TM9SF2: variants seen among roughly 807,000 people sequenced by gnomAD.
The protein encoded by TM9SF2 is 76 kDa membrane protein.
Under a neutral mutation model 84.9 loss-of-function variants are expected in TM9SF2, and 13 were observed. That is an observed-to-expected ratio of 0.15 (90% CI 0.10 to 0.24). TM9SF2 has a LOEUF of 0.24. TM9SF2 is among the 10% of genes least tolerant of loss of function. TM9SF2 has a pLI of 1.00. For synonymous variants in TM9SF2, 273 were observed against 285.8 expected, an observed-to-expected ratio of 0.96 and a Z score of 0.45; for missense variants, 562 against 818.5, an observed-to-expected ratio of 0.69 and a Z score of 3.82.
chr13:99,562,464 A>G (rs2046348386), intron 16 of TM9SF2, among the ~76,000 whole-genome samples: 1 of 152,204 alleles, frequency 6.6e-6, no homozygotes, highest in South Asian at 2.1e-4. Flanking sequence ...TAGAAAGCTT[A>G]GGTAATCTTA....
chr13:99,538,104 G>T (rs1390695785), intron 6 of TM9SF2, among the ~76,000 whole-genome samples: 1 of 152,146 alleles, frequency 6.6e-6, no homozygotes, highest in Non-Finnish European at 1.5e-5. Flanking sequence ...CAGTCAGGAG[G>T]TTTTGACAGC....
intron 1 of TM9SF2, among the ~76,000 whole-genome samples, chr13:99,509,131 T>C (rs2046102491): frequency 6.6e-6 from 1 of 152,206 alleles, no homozygotes; most frequent in Non-Finnish European, 1.5e-5. Context: ...GCTATAGGCA[T>C]TGGGTAAATA....
intron 10 of TM9SF2, among the ~76,000 whole-genome samples, chr13:99,545,755 C>T (rs188755844): frequency 9.9e-5 from 15 of 152,094 alleles, no homozygotes; most frequent in African/African-American, 3.6e-4. Flanking sequence ...TTGGTAGAGA[C>T]ACGGTTTCAC....
intron 11 of TM9SF2, among the ~76,000 whole-genome samples, chr13:99,548,444 T>C (rs2046292752): frequency 6.6e-6 from 1 of 152,224 alleles, no homozygotes; most frequent in Non-Finnish European, 1.5e-5. Context: ...CTATCAACTA[T>C]GTTAAAACTT....
chr13:99,532,212 G>A (rs960377208), intron 4 of TM9SF2, among the ~76,000 whole-genome samples: 2 of 151,416 alleles, frequency 1.3e-5, no homozygotes, highest in African/African-American at 4.9e-5. Context: ...CCACCATGCC[G>A]GCTAATTTTT....
intron 4 of TM9SF2, among the ~76,000 whole-genome samples, chr13:99,531,203 A>G (rs986802389): frequency 6.6e-6 from 1 of 152,176 alleles, no homozygotes; most frequent in African/African-American, 2.4e-5. Flanking sequence ...CCAACATTTG[A>G]AGTATAACCA....
chr13:99,554,581 T>A, intron 14 of TM9SF2, 126 bp downstream of exon 14: 1 of 1,042,856 alleles, frequency 9.6e-7, no homozygotes, highest in Non-Finnish European at 1.3e-6. Context: ...CCAGAAATCT[T>A]AAAAGCCAAA....
chr13:99,531,153 G>A lies in TM9SF2; in HGVS notation c.461+1559G>A, dbSNP rs1194517159. Among the ~76,000 whole-genome samples the A allele has an allele frequency of 2.6e-5, 4 of 152,034 alleles. No homozygotes were observed. The East Asian group carries it at 5.8e-4, about 22-fold the overall frequency. On this transcript the variant is annotated intron_variant, in intron 4 of 16. Coordinates refer to ENST00000376387, the MANE Select transcript of TM9SF2 (RefSeq NM_004800.3). ...TGGAATTATAGGTGTGAGCCACTGCGCCCGGTCAAACATAGAATATTTTTA... is the reference window on the plus strand; with the variant it reads ...TGGAATTATAGGTGTGAGCCACTGCACCCGGTCAAACATAGAATATTTTTA...
At chr13:99,533,399 A>G (rs1052516090) in intron 4 of TM9SF2, among the ~76,000 whole-genome samples, 1 of 152,222 alleles carries the variant, frequency 6.6e-6, no homozygotes, top group African/African-American at 2.4e-5. Flanking sequence ...CCTTTTTAAA[A>G]TAATGCAACT....
At chr13:99,552,005 G>A (rs1262947269) in intron 12 of TM9SF2, among the ~76,000 whole-genome samples, 162 bp from the exon 13 acceptor site, 4 of 152,164 alleles carry the variant, frequency 2.6e-5, no homozygotes, top group Admixed American at 2.0e-4. Flanking sequence ...AGAGCAATTG[G>A]GTAGTTTCTA....
intron 1 of TM9SF2, among the ~76,000 whole-genome samples, chr13:99,510,127 G>A (rs556619510): frequency 8.1e-4 from 124 of 152,286 alleles, no homozygotes; most frequent in African/African-American, 2.8e-3. Context: ...GACGTAACAC[G>A]TGTGACCTTT....
chr13:99,529,759 A>G (rs1358546224), intron 4 of TM9SF2, among the ~76,000 whole-genome samples, 165 bp downstream of exon 4: 1 of 152,200 alleles, frequency 6.6e-6, no homozygotes, highest in African/African-American at 2.4e-5. Flanking sequence ...TTAGTTAAAG[A>G]TGACAACATC....
intron 1 of TM9SF2, among the ~76,000 whole-genome samples, chr13:99,506,014 A>G (rs1394808722): frequency 1.3e-5 from 2 of 152,208 alleles, no homozygotes; most frequent in Non-Finnish European, 2.9e-5. Context: ...TATACCCCCT[A>G]GTGGTTAAAA....
chr13:99,519,407 C>G (rs2046149366), intron 2 of TM9SF2: 1 of 152,122 alleles, frequency 6.6e-6, no homozygotes, highest in South Asian at 2.1e-4. Flanking sequence ...AGAGTGAGCA[C>G]AGAACTGCCC....
At chr13:99,562,286 G>A (rs753071483) in intron 16 of TM9SF2, among the ~76,000 whole-genome samples, 4 of 152,110 alleles carry the variant, frequency 2.6e-5, no homozygotes, top group Non-Finnish European at 5.9e-5. Context: ...ACTGTACTTA[G>A]AAAATATCCC....
At chr13:99,526,488 CTG>C (rs1280116818) in intron 3 of TM9SF2, among the ~76,000 whole-genome samples, 4 of 152,160 alleles carry the variant, frequency 2.6e-5, no homozygotes, top group Non-Finnish European at 5.9e-5. Context: ...AGTGAAAAGA[CTG>C]TAGGATCTGT....
intron 5 of TM9SF2, 86 bp from the exon 6 acceptor site, chr13:99,537,649 TCTTA>T: frequency 1.9e-6 from 2 of 1,044,932 alleles, no homozygotes; most frequent in Non-Finnish European, 2.7e-6. Context: ...ACTTAAATTT[TCTTA>T]CTTGTTGTAG....
intron 1 of TM9SF2, among the ~76,000 whole-genome samples, chr13:99,508,375 G>T: frequency 7.4e-6 from 1 of 134,290 alleles, no homozygotes; most frequent in African/African-American, 2.9e-5. Flanking sequence ...GAATAAAGAT[G>T]TTTAGAGTGG....
At chr13:99,558,167 T>C (rs2046331755) in intron 15 of TM9SF2, among the ~76,000 whole-genome samples, 1 of 152,252 alleles carries the variant, frequency 6.6e-6, no homozygotes, top group South Asian at 2.1e-4. Flanking sequence ...CTCAATACTA[T>C]TCCAGTGGTC....
Sources: allele counts gnomAD v4.1 joint callset (sites outside exome capture counted in the v4.1 genomes callset), GRCh38; gene constraint gnomAD v4.1.1; transcripts MANE v1.5; gene names NCBI Gene and HGNC (gene_info 2026-07-23, HGNC 2026-07-21).